PTK2B: variants seen among roughly 807,000 people sequenced by gnomAD.
The protein encoded by PTK2B is protein-tyrosine kinase 2-beta.
PTK2B carries 71 observed loss-of-function variants against 142.9 expected under a neutral mutation model. The ratio of observed to expected loss-of-function variants is 0.50; its 90% CI spans 0.41 to 0.61. The LOEUF (loss-of-function observed/expected upper bound fraction) is 0.61. Among genes scored for constraint, PTK2B ranks in the 20% least tolerant of loss-of-function variants. PTK2B has a pLI of 0.00. For synonymous variants in PTK2B, 519 were observed against 503.4 expected (o/e 1.03, Z -0.42); for missense variants, 1,105 against 1,320.4 (o/e 0.84, Z 2.53).
chr8:27,419,467 G>A (rs868071607), intron 2 of PTK2B, among the ~76,000 whole-genome samples: 1 of 152,192 alleles, frequency 6.6e-6, no homozygotes, highest in Non-Finnish European at 1.5e-5. Flanking sequence ...CCTGTGTTGT[G>A]TGGATTCAAT....
At chr8:27,365,842 G>A (rs1805989416) in intron 1 of PTK2B, among the ~76,000 whole-genome samples, 1 of 152,304 alleles carries the variant, frequency 6.6e-6, no homozygotes, top group African/African-American at 2.4e-5. Context: ...AGACATTGCT[G>A]GTAATTTGCC....
chr8:27,360,812 C>T (rs1044821787), intron 1 of PTK2B, among the ~76,000 whole-genome samples: 6 of 152,188 alleles, frequency 3.9e-5, no homozygotes, highest in African/African-American at 9.7e-5. Context: ...GCATTTCTCT[C>T]GCCCTCTGGG....
chr8:27,431,550 C>T lies in PTK2B; in HGVS notation c.885+78C>T, dbSNP rs573714694. 24 of 1,558,744 alleles carry T rather than the reference C, an allele frequency of 1.5e-5. No homozygotes were observed. The African/African-American group carries it at 2.9e-4, about 19-fold the overall frequency. ...TCTCTGCTGCCTCCCGCCCTGTCTGCCCCTTCAGTTCTTCTTGCCCCTGTT... is the reference window on the plus strand; with the variant it reads ...TCTCTGCTGCCTCCCGCCCTGTCTGTCCCTTCAGTTCTTCTTGCCCCTGTT... On this transcript the variant is annotated intron_variant, in intron 9 of 30. Coordinates refer to ENST00000346049, the MANE Select transcript of PTK2B (RefSeq NM_173176.3).
At chr8:27,377,696 T>C (rs1586191489) in intron 1 of PTK2B, among the ~76,000 whole-genome samples, 1 of 152,334 alleles carries the variant, frequency 6.6e-6, no homozygotes, top group African/African-American at 2.4e-5. Flanking sequence ...ATGCACTGCC[T>C]GTGTCACGGG....
chr8:27,439,184 A>G (rs1158803322), intron 19 of PTK2B, 53 bp downstream of exon 19: 2 of 1,580,246 alleles, frequency 1.3e-6, no homozygotes, highest in Admixed American at 1.7e-5. Flanking sequence ...GCTGAAGCCA[A>G]AAATTCCAGA....
At chr8:27,318,173 G>A (rs1412362378) in intron 3 of PTK2B, among the ~76,000 whole-genome samples, 1 of 152,164 alleles carries the variant, frequency 6.6e-6, no homozygotes, top group Non-Finnish European at 1.5e-5. Context: ...GAGGGCTCTT[G>A]CACATGCTAG....
intron 2 of PTK2B, among the ~76,000 whole-genome samples, chr8:27,399,332 T>C (rs1031774337): frequency 1.3e-5 from 2 of 152,236 alleles, no homozygotes; most frequent in Non-Finnish European, 2.9e-5. Flanking sequence ...GGAAGAGGCT[T>C]TCCAAGAGTG....
rs749811687 is a variant in PTK2B at position 27,454,513 on chromosome 8, G to A, written c.2734-18G>A. The A allele has an allele frequency of 9.3e-6, 15 of 1,612,108 alleles. No individual in the cohort carries two copies. In the Admixed American group the frequency reaches 1.0e-4, roughly 11 times the overall value. ...AATAGCTAGGAGTGGCGGCCATCCT[G>A]CCCCTTTCTCCCCCCAGAATGTGGG... On this transcript the variant is annotated intron_variant, in intron 29 of 30. Transcript: ENST00000346049.
intron 1 of PTK2B, among the ~76,000 whole-genome samples, chr8:27,365,275 T>TTAC (rs1273269470): frequency 1.3e-5 from 2 of 152,226 alleles, no homozygotes; most frequent in Non-Finnish European, 2.9e-5. Flanking sequence ...GGATCACTAC[T>TTAC]TACTCCTTTT....
At chr8:27,351,308 G>A (rs932265781) in intron 1 of PTK2B, among the ~76,000 whole-genome samples, 2 of 151,956 alleles carry the variant, frequency 1.3e-5, no homozygotes, top group Middle Eastern at 3.4e-3. Flanking sequence ...ATATTAAGCC[G>A]ATAGGAACTG....
chr8:27,438,946 TTTTCCATCTGTC>T (rs1184596693), intron 18 of PTK2B, 73 bp from the exon 19 acceptor site: 8 of 1,293,064 alleles, frequency 6.2e-6, no homozygotes, highest in Non-Finnish European at 7.8e-6. Flanking sequence ...CTTGGTCTCT[TTTTCCATCTGTC>T]TGTCCATCTC....
intron 1 of PTK2B, among the ~76,000 whole-genome samples, chr8:27,332,381 C>T (rs1389719349): frequency 6.6e-6 from 1 of 152,130 alleles, no homozygotes; most frequent in African/African-American, 2.4e-5. Context: ...GGCATTGTCC[C>T]AGGAAAAGTG....
rs1415086579 is a variant in PTK2B, at chr8:27,440,222, T to A, written c.1835-15T>A. 3.1e-6 allele frequency: 5 copies of A among 1,613,538 alleles called. No homozygotes were observed. In the Admixed American group the frequency reaches 8.3e-5, roughly 27 times the overall value. Reference sequence around the variant, plus strand: ...GTCTCCCCCACCCAGGGCCTGACGCTCCCTTACACCCCAGCCGTGTGCATG... The same window carrying A: ...GTCTCCCCCACCCAGGGCCTGACGCACCCTTACACCCCAGCCGTGTGCATG... On this transcript the variant is annotated splice_polypyrimidine_tract_variant and intron_variant, in intron 20 of 30. Coordinates refer to ENST00000346049, the MANE Select transcript of PTK2B (RefSeq NM_173176.3).
chr8:27,364,564 G>A (rs1295618229), intron 1 of PTK2B, among the ~76,000 whole-genome samples: 2 of 152,196 alleles, frequency 1.3e-5, no homozygotes, highest in Admixed American at 1.3e-4. Flanking sequence ...GAGGCGGGGA[G>A]ACATTCGCTC....
At chr8:27,316,424 A>G (rs1803096930) in intron 3 of PTK2B, among the ~76,000 whole-genome samples, 1 of 152,246 alleles carries the variant, frequency 6.6e-6, no homozygotes, top group Admixed American at 6.5e-5. Flanking sequence ...AAATGTAAGC[A>G]TACAGATTGA....
In PTK2B at chr8:27,436,824, G is replaced by T. The variant is rs370022645; in HGVS notation, c.1342-298G>T. Among the ~76,000 whole-genome samples the T allele has an allele frequency of 2.0e-5, 3 of 152,208 alleles. No individual in the cohort carries two copies. The South Asian group carries it at 6.2e-4, about 31-fold the overall frequency. On this transcript the variant is annotated intron_variant, in intron 15 of 30. Transcript: ENST00000346049. ...CCCCCAGGCATGATAATGGCTTGCAGGTGCCTCTGGCTTTGGGCAGGTCAC... is the reference window on the plus strand; with the variant it reads ...CCCCCAGGCATGATAATGGCTTGCATGTGCCTCTGGCTTTGGGCAGGTCAC...
chr8:27,368,912 G>C (rs565562406), intron 1 of PTK2B, among the ~76,000 whole-genome samples: 15 of 152,280 alleles, frequency 9.9e-5, no homozygotes, highest in Non-Finnish European at 1.6e-4. Context: ...GCAGGGGTGG[G>C]CAGGGCGGAA....
intron 3 of PTK2B, among the ~76,000 whole-genome samples, chr8:27,318,402 C>T (rs979629306): frequency 6.6e-6 from 1 of 152,132 alleles, no homozygotes; most frequent in East Asian, 1.9e-4. Context: ...CAGATGAGCC[C>T]ACTCACAGGT....
chr8:27,342,785 A>G (rs928541192), intron 1 of PTK2B, among the ~76,000 whole-genome samples: 1 of 152,014 alleles, frequency 6.6e-6, no homozygotes, highest in Non-Finnish European at 1.5e-5. Flanking sequence ...CCCCACTTAC[A>G]CTATAGTCCT....
Sources: gnomAD v4.1 joint callset for allele counts (sites outside exome capture counted in the v4.1 genomes callset) on GRCh38, gnomAD v4.1.1 for gene constraint, MANE v1.5 for transcripts, NCBI Gene and HGNC (gene_info 2026-07-23, HGNC 2026-07-21) for gene names.